Variants in USP34 observed in about 807,000 individuals in gnomAD.
The protein encoded by USP34 is ubiquitin specific peptidase 34.
A neutral mutation model predicts 460.3 loss-of-function variants in USP34; 70 were observed. The observed-to-expected ratio is 0.15, with a 90% confidence interval of 0.13 to 0.19. The LOEUF (loss-of-function observed/expected upper bound fraction) is 0.19, where lower values mean the gene tolerates loss of function less well. USP34 is among the 10% of genes least tolerant of loss of function. The pLI is 1.00. For missense variants in USP34, 3,985 were observed against 4,236.2 expected (o/e 0.94, Z 1.65); for synonymous variants, 1,647 against 1,405.3 (o/e 1.17, Z -3.85).
At chr2:61,407,211 C>A (rs1319124061) in intron 2 of USP34, among the ~76,000 whole-genome samples, 1 of 152,094 alleles carries the variant, frequency 6.6e-6, no homozygotes, top group Non-Finnish European at 1.5e-5. Context: ...CATAATGAGG[C>A]CCATCTCTAC....
At chr2:61,260,316 T>G (rs1190332579) in intron 43 of USP34, among the ~76,000 whole-genome samples, 1 of 152,200 alleles carries the variant, frequency 6.6e-6, no homozygotes, top group Non-Finnish European at 1.5e-5. Flanking sequence ...CATTAGAGAT[T>G]TAGTATTGAA....
intron 1 of USP34, among the ~76,000 whole-genome samples, chr2:61,437,480 A>G (rs1172341986): frequency 6.6e-6 from 1 of 152,132 alleles, no homozygotes; most frequent in Non-Finnish European, 1.5e-5. Flanking sequence ...AACCAATAAG[A>G]AATAAAAAAC....
intron 1 of USP34, among the ~76,000 whole-genome samples, chr2:61,421,484 T>C (rs1297426744): frequency 1.3e-5 from 2 of 152,226 alleles, no homozygotes; most frequent in Admixed American, 6.5e-5. Context: ...TTAATGGCTT[T>C]TACCTTCTTT....
At chr2:61,439,488 C>T (rs1041917267) in intron 1 of USP34, among the ~76,000 whole-genome samples, 1 of 152,140 alleles carries the variant, frequency 6.6e-6, no homozygotes, top group Non-Finnish European at 1.5e-5. Flanking sequence ...GGGAAGGGGC[C>T]GTTTCCATTT....
chr2:61,437,446 AACAC>A, intron 1 of USP34, among the ~76,000 whole-genome samples: 1 of 152,144 alleles, frequency 6.6e-6, no homozygotes, highest in Non-Finnish European at 1.5e-5. Context: ...CAAATTCCTG[AACAC>A]ATACAATCTA....
At chr2:61,245,714 G>C (rs1386929271) in intron 50 of USP34, among the ~76,000 whole-genome samples, 1 of 152,078 alleles carries the variant, frequency 6.6e-6, no homozygotes, top group Non-Finnish European at 1.5e-5. Context: ...GGGTGAAGGA[G>C]TGAAAAATAA....
chr2:61,406,276 A>C, intron 2 of USP34, 148 bp from the exon 3 acceptor site: 1 of 675,538 alleles, frequency 1.5e-6, no homozygotes, highest in Non-Finnish European at 2.3e-6. Context: ...TAATAACATA[A>C]AGATAGCATC....
In USP34 at chr2:61,211,912, A is replaced by G. The variant is rs748798385; in HGVS notation, c.8700T>C (p.Phe2900=). ...GAGCTATAAACAGCTGCATCAGGTT[A>G]AACAGTTCTTCTACTGCCTAAAAAA... ...SQYPGAVEEL[F]NLMQLFIAQR... The change falls in exon 69 of 80, where the codon TTT becomes TTC. Residue 2900 remains phenylalanine, a synonymous_variant. Transcript: ENST00000398571. 6 of 1,607,056 alleles carry G rather than the reference A, an allele frequency of 3.7e-6. No homozygotes were observed. In the East Asian group the frequency reaches 9.0e-5, roughly 24 times the overall value.
chr2:61,409,893 A>C (rs1417979514), intron 2 of USP34, among the ~76,000 whole-genome samples: 1 of 152,188 alleles, frequency 6.6e-6, no homozygotes, highest in Non-Finnish European at 1.5e-5. Context: ...TGTGAGTCTA[A>C]CAGGGGAACA....
At chr2:61,298,386 A>AG (rs894978526) in intron 29 of USP34, among the ~76,000 whole-genome samples, 6 of 147,476 alleles carry the variant, frequency 4.1e-5, no homozygotes, top group African/African-American at 1.5e-4. Flanking sequence ...AAAAAAAAAA[A>AG]AACTAGCTGG....
chr2:61,230,924 A>G (rs1381601537), intron 58 of USP34, among the ~76,000 whole-genome samples: 1 of 152,172 alleles, frequency 6.6e-6, no homozygotes, highest in Non-Finnish European at 1.5e-5. Context: ...GACAAAGTAT[A>G]TCCAAACAAA....
chr2:61,211,993 C>T (rs777102506), intron 68 of USP34, 64 bp from the exon 69 acceptor site: 1 of 1,490,026 alleles, frequency 6.7e-7, no homozygotes, highest in African/African-American at 1.5e-5. Flanking sequence ...GTCAGTTTCT[C>T]ATTTCTACGT....
chr2:61,342,811 G>T (rs1478350203), intron 16 of USP34, among the ~76,000 whole-genome samples: 2 of 152,092 alleles, frequency 1.3e-5, no homozygotes, highest in Non-Finnish European at 2.9e-5. Context: ...AAACCATTTT[G>T]TTCAATTTCT....
intron 15 of USP34, among the ~76,000 whole-genome samples, chr2:61,346,831 C>CAAA (rs776311612): frequency 0.011 from 332 of 29,724 alleles, 9 homozygotes; most frequent in East Asian, 0.024. Context: ...GATTCCAACT[C>CAAA]AAAAAAAAAA....
Position 61,246,324 on chromosome 2 carries a change from C to A in USP34, c.6548G>T (p.Trp2183Leu). 6.5e-7 allele frequency: 1 copy of A among 1,544,578 alleles called. No homozygotes were observed. ...AAGTTTTGAAATATTTAAAACTCACCATTTATTGTTTTTATAAGCATGGGG... is the reference window on the plus strand; with the variant it reads ...AAGTTTTGAAATATTTAAAACTCACAATTTATTGTTTTTATAAGCATGGGG... The part of the protein sequence containing the change: ...VNPHAYKNNK[W>L]YLFNDAEVKP... The change falls in exon 50 of 80, where the codon TGG (tryptophan) becomes TTG (leucine). Residue 2183 changes from tryptophan to leucine, a missense_variant and splice_region_variant. Around this residue, in one of 14 missense-constraint regions of USP34, gnomAD observed 70 missense variants for 78.1 expected, o/e 0.90. Coordinates refer to ENST00000398571, the MANE Select transcript of USP34 (RefSeq NM_014709.4).
intron 53 of USP34, among the ~76,000 whole-genome samples, chr2:61,239,337 CACACACACACACACAG>C (rs1688178121): frequency 6.6e-6 from 1 of 151,094 alleles, no homozygotes; most frequent in African/African-American, 2.4e-5. Flanking sequence ...CACACACACA[CACACACACACACACAG>C]AAGTTTGAGA....
intron 29 of USP34, among the ~76,000 whole-genome samples, chr2:61,298,027 T>C (rs888115387): frequency 2.6e-5 from 4 of 152,098 alleles, no homozygotes; most frequent in Non-Finnish European, 4.4e-5. Flanking sequence ...AAGAGAAATA[T>C]TGAATTCTAT....
intron 5 of USP34, among the ~76,000 whole-genome samples, chr2:61,390,732 T>C (rs901628525): frequency 4.6e-5 from 7 of 152,080 alleles, no homozygotes; most frequent in Non-Finnish European, 7.4e-5. Flanking sequence ...TCTTTGTTGA[T>C]AATTCAAATC....
intron 1 of USP34, among the ~76,000 whole-genome samples, chr2:61,438,322 A>G (rs1694873415): frequency 6.6e-6 from 1 of 152,200 alleles, no homozygotes; most frequent in African/African-American, 2.4e-5. Flanking sequence ...ATTAAAAAAA[A>G]AACTCTAGGC....
Sources: gnomAD v4.1 joint callset for allele counts (sites outside exome capture counted in the v4.1 genomes callset) on GRCh38, gnomAD v4.1.1 for gene constraint, gnomAD v4.1.1 regional missense constraint, MANE v1.5 for transcripts, NCBI Gene and HGNC (gene_info 2026-07-23, HGNC 2026-07-21) for gene names.